SFMBT1: variants seen among roughly 807,000 people sequenced by gnomAD.
SFMBT1 encodes the protein Scm like with four mbt domains 1, also known as scm-like with four MBT domains protein 1.
A neutral mutation model predicts 108.7 loss-of-function variants in SFMBT1; 32 were observed. The observed-to-expected ratio is 0.29, with a 90% CI of 0.22 to 0.40. The LOEUF is 0.40. SFMBT1 is among the 10% of genes least tolerant of loss of function. SFMBT1 has a pLI of 1.00. For synonymous variants in SFMBT1, 348 were observed against 369.5 expected (o/e 0.94, Z 0.67); for missense variants, 816 against 1,059.6 (o/e 0.77, Z 3.19).
At chr3:52,970,100 CAAA>C (rs1160705166) in intron 1 of SFMBT1, among the ~76,000 whole-genome samples, 1 of 127,380 alleles carries the variant, frequency 7.9e-6, no homozygotes. Context: ...GACACTGTCT[CAAA>C]AAAAAAAAAA....
rs1170536631 is a variant in SFMBT1 at position 52,921,798 on chromosome 3, T to C, written c.1165A>G (p.Lys389Glu). ...AGAATGGGGTTCACCGCCTCGAGCT[T>C]CATGTTCTCCTTAAATTCATGTTCA... The part of the protein sequence containing the change: ...ISEHEFKENM[K>E]LEAVNPILPE... The change falls in exon 11 of 21, where the codon AAG becomes GAG. Residue 389 changes from lysine (K) to glutamate (E), a missense_variant. Lys to Glu is a moderately conservative substitution (Grantham distance 56). This residue lies in a region of SFMBT1 where 495 missense variants were observed against 607.4 expected (regional missense o/e 0.81). Coordinates refer to ENST00000394752, the MANE Select transcript of SFMBT1 (RefSeq NM_016329.4). 4 of 1,614,040 alleles carry C rather than the reference T, an allele frequency of 2.5e-6. No homozygotes were observed. The South Asian group carries it at 4.4e-5, about 18-fold the overall frequency.
intron 1 of SFMBT1, among the ~76,000 whole-genome samples, chr3:52,999,495 G>T (rs1047312470): frequency 6.7e-6 from 1 of 150,288 alleles, no homozygotes; most frequent in African/African-American, 2.4e-5. Context: ...TCGGGACATC[G>T]CAGGGGAGGC....
At chr3:52,929,556 A>G (rs975064164) in intron 8 of SFMBT1, among the ~76,000 whole-genome samples, 1 of 152,134 alleles carries the variant, frequency 6.6e-6, no homozygotes, top group South Asian at 2.1e-4. Flanking sequence ...TAACTTTATG[A>G]ACTTCCTCTG....
intron 1 of SFMBT1, among the ~76,000 whole-genome samples, chr3:53,019,388 G>GGT (rs1559551865): frequency 1.8e-4 from 14 of 76,954 alleles, no homozygotes; most frequent in African/African-American, 5.3e-4. Flanking sequence ...TGTGTGTGTG[G>GGT]GGGGGGTATA....
intron 1 of SFMBT1, among the ~76,000 whole-genome samples, chr3:53,001,933 A>T (rs928458849): frequency 0.044 from 5,663 of 129,112 alleles, 446 homozygotes; most frequent in African/African-American, 0.12. Flanking sequence ...TCTCACACAC[A>T]CACACACACA....
chr3:52,933,244 T>G (rs1702913255), intron 5 of SFMBT1, among the ~76,000 whole-genome samples: 1 of 152,228 alleles, frequency 6.6e-6, no homozygotes, highest in African/African-American at 2.4e-5. Context: ...ACATTGTAAA[T>G]GGGCAATAAT....
At chr3:52,925,911 A>C in intron 10 of SFMBT1, 120 bp downstream of exon 10, 1 of 829,834 alleles carries the variant, frequency 1.2e-6, no homozygotes, top group Admixed American at 2.9e-5. Context: ...TACAATCACC[A>C]CTGTGCTCAT....
At chr3:52,925,284 A>G (rs1702627675) in intron 10 of SFMBT1, among the ~76,000 whole-genome samples, 1 of 152,216 alleles carries the variant, frequency 6.6e-6, no homozygotes, top group South Asian at 2.1e-4. Flanking sequence ...CATAATGTAA[A>G]AACTCATTTT....
chr3:53,040,580 GC>G (rs757123627), intron 1 of SFMBT1, among the ~76,000 whole-genome samples: 2 of 147,246 alleles, frequency 1.4e-5, no homozygotes, highest in Non-Finnish European at 3.0e-5. Context: ...TCTAGACTAA[GC>G]AAAAACATCA....
chr3:53,008,566 T>C (rs1698827856), intron 1 of SFMBT1, among the ~76,000 whole-genome samples: 1 of 152,058 alleles, frequency 6.6e-6, no homozygotes, highest in South Asian at 2.1e-4. Flanking sequence ...AAACCAGGCT[T>C]TCCATGTAGT....
chr3:52,905,934 T>C (rs927567445), intron 20 of SFMBT1, among the ~76,000 whole-genome samples, 179 bp downstream of exon 20: 1 of 152,244 alleles, frequency 6.6e-6, no homozygotes. Context: ...CCTTCAACTA[T>C]GAAGCAAGTC....
chr3:52,907,769 C>T, intron 17 of SFMBT1, 36 bp from the exon 18 acceptor site: 1 of 1,562,336 alleles, frequency 6.4e-7, no homozygotes, highest in Non-Finnish European at 8.6e-7. Context: ...GAAGTAGCTT[C>T]ATTATTTTTG....
At chr3:52,974,120 T>C (rs890454515) in intron 1 of SFMBT1, among the ~76,000 whole-genome samples, 2 of 152,158 alleles carry the variant, frequency 1.3e-5, no homozygotes, top group African/African-American at 4.8e-5. Context: ...CTCAGGGTGG[T>C]TCTAAAGATC....
intron 1 of SFMBT1, among the ~76,000 whole-genome samples, chr3:53,030,112 T>C (rs1699632035): frequency 6.6e-6 from 1 of 152,036 alleles, no homozygotes; most frequent in African/African-American, 2.4e-5. Flanking sequence ...TAAATAAATA[T>C]GGAAACAAAT....
intron 2 of SFMBT1, among the ~76,000 whole-genome samples, chr3:52,967,742 T>G (rs1704195063): frequency 6.6e-6 from 1 of 152,134 alleles, no homozygotes; most frequent in Non-Finnish European, 1.5e-5. Context: ...CTGGCGGCCA[T>G]GAGGGAGGTA....
chr3:53,015,002 T>C (rs887249358), intron 1 of SFMBT1, among the ~76,000 whole-genome samples: 2 of 152,168 alleles, frequency 1.3e-5, no homozygotes, highest in Admixed American at 6.5e-5. Context: ...GCAGATCGCT[T>C]GAGCCCAGGA....
intron 10 of SFMBT1, among the ~76,000 whole-genome samples, chr3:52,922,421 A>G (rs756955661): frequency 6.6e-6 from 1 of 152,256 alleles, no homozygotes; most frequent in African/African-American, 2.4e-5. Context: ...CTCTTCTGAC[A>G]TCTAACTTAA....
chr3:52,974,421 G>A (rs1704445894), intron 1 of SFMBT1, among the ~76,000 whole-genome samples: 1 of 152,172 alleles, frequency 6.6e-6, no homozygotes, highest in East Asian at 1.9e-4. Flanking sequence ...CCCAACAGGT[G>A]TAGTTTTCTG....
chr3:52,908,831 A>G (rs1002830021), intron 17 of SFMBT1, among the ~76,000 whole-genome samples: 1 of 152,204 alleles, frequency 6.6e-6, no homozygotes, highest in South Asian at 2.1e-4. Flanking sequence ...TCGGCCTCCC[A>G]AAGTGCTGGG....
Sources: allele counts gnomAD v4.1 joint callset (sites outside exome capture counted in the v4.1 genomes callset), GRCh38; gene constraint gnomAD v4.1.1; regional missense constraint gnomAD v4.1.1; transcripts MANE v1.5; gene names NCBI Gene and HGNC (gene_info 2026-07-23, HGNC 2026-07-21).